RAD51B: variants seen among roughly 807,000 people sequenced by gnomAD.
RAD51B encodes RAD51 paralog B, also known as DNA repair protein RAD51 homolog 2.
A neutral mutation model predicts 42.2 loss-of-function variants in RAD51B; 38 were observed. The ratio of observed to expected loss-of-function variants is 0.90; its 90% CI spans 0.70 to 1.18. RAD51B has a LOEUF of 1.18. Among genes scored for constraint, RAD51B ranks in the 50% most tolerant of loss-of-function variants. The pLI is 0.00. For missense variants in RAD51B, 373 were observed against 400.7 expected, an observed-to-expected ratio of 0.93 and a Z score of 0.59; for synonymous variants, 154 against 145.2, an observed-to-expected ratio of 1.06 and a Z score of -0.43.
chr14:68,291,913 T>C lies in RAD51B; in HGVS notation c.786T>C (p.His262=). Residue 262 remains histidine (H), a synonymous_variant, in exon 8 of 11, where the codon CAT becomes CAC. Coordinates refer to ENST00000471583, the MANE Select transcript of RAD51B (RefSeq NM_133510.4). ...PVILTNQITT[H]LSGALASQAD... ...TCTTGACGAATCAGATTACAACCCA[T>C]CTGAGTGGAGCCCTGGCTTCTCAGG... is the stretch of plus-strand genomic sequence containing the variant. 6.2e-7 allele frequency: 1 copy of C among 1,613,504 alleles called. No homozygotes were observed. The highest frequency in any genetic ancestry group is 8.5e-7 in the Non-Finnish European group (1 of 1,179,784).
chr14:68,583,555 A>AC (rs1890310365), intron 10 of RAD51B, among the ~76,000 whole-genome samples: 4 of 152,256 alleles, frequency 2.6e-5, no homozygotes, highest in Admixed American at 2.0e-4. Context: ...GAACCCGTGG[A>AC]CCCCTCAGAG....
chr14:67,864,941 T>C (rs577581286), intron 4 of RAD51B, 62 bp from the exon 5 acceptor site: 2 of 1,401,072 alleles, frequency 1.4e-6, no homozygotes, highest in African/African-American at 1.5e-5. Flanking sequence ...TTGACTGGCT[T>C]GTGATGTTTA....
intron 9 of RAD51B, among the ~76,000 whole-genome samples, chr14:68,426,046 T>TTC (rs1221192647): frequency 2.7e-5 from 4 of 148,696 alleles, no homozygotes; most frequent in Admixed American, 6.8e-5. Context: ...CTTTCTCTCT[T>TTC]TCTCTCTCTC....
chr14:67,822,548 C>T (rs912961525), intron 1 of RAD51B, among the ~76,000 whole-genome samples: 2 of 151,610 alleles, frequency 1.3e-5, no homozygotes, highest in Admixed American at 6.6e-5. Context: ...ATGGTGTCGA[C>T]CCTGTCTCTA....
chr14:68,562,538 G>A, intron 10 of RAD51B: 1 of 985,452 alleles, frequency 1.0e-6, no homozygotes, highest in Non-Finnish European at 1.2e-6. Context: ...CCACAGCCAT[G>A]TTTTGGCACG....
At chr14:68,165,448 G>A (rs1181746723) in intron 7 of RAD51B, among the ~76,000 whole-genome samples, 2 of 152,146 alleles carry the variant, frequency 1.3e-5, no homozygotes, top group African/African-American at 2.4e-5. Flanking sequence ...AAATGGGGCC[G>A]CTTTTATGGG....
At chr14:68,375,544 A>C (rs1269041319) in intron 8 of RAD51B, among the ~76,000 whole-genome samples, 6 of 152,268 alleles carry the variant, frequency 3.9e-5, no homozygotes, top group African/African-American at 1.2e-4. Context: ...ACACTTCCAG[A>C]GTATGCCGTC....
intron 9 of RAD51B, among the ~76,000 whole-genome samples, chr14:68,425,427 G>A (rs1293451158): frequency 6.6e-6 from 1 of 152,214 alleles, no homozygotes; most frequent in Non-Finnish European, 1.5e-5. Context: ...AATGATTAAT[G>A]CCATTATCAA....
chr14:68,232,837 A>G (rs1393074712), intron 7 of RAD51B, among the ~76,000 whole-genome samples: 1 of 152,178 alleles, frequency 6.6e-6, no homozygotes, highest in African/African-American at 2.4e-5. Context: ...TCCAGCTTTC[A>G]AATCTCTCCA....
chr14:68,599,207 A>G (rs996709355), downstream of RAD51B, among the ~76,000 whole-genome samples: 6 of 152,162 alleles, frequency 3.9e-5, no homozygotes, highest in Admixed American at 3.9e-4. Context: ...ATATCTCCAT[A>G]GCCAACCAAC....
chr14:68,296,838 G>C (rs1449238341), intron 8 of RAD51B, among the ~76,000 whole-genome samples: 1 of 152,178 alleles, frequency 6.6e-6, no homozygotes, highest in African/African-American at 2.4e-5. Context: ...GTTGTATCCT[G>C]TTTTCTGCAT....
At chr14:67,852,835 G>T (rs375305042) in intron 4 of RAD51B, among the ~76,000 whole-genome samples, 2 of 152,130 alleles carry the variant, frequency 1.3e-5, no homozygotes, top group East Asian at 3.8e-4. Context: ...TGTTGTAGTA[G>T]GCAGAATTTC....
chr14:67,936,320 A>T (rs1279525281), intron 7 of RAD51B, among the ~76,000 whole-genome samples: 2 of 152,142 alleles, frequency 1.3e-5, no homozygotes, highest in Non-Finnish European at 2.9e-5. Context: ...CCTGTTATGG[A>T]CATTTCATGA....
intron 7 of RAD51B, among the ~76,000 whole-genome samples, chr14:68,224,559 A>G (rs952461937): frequency 6.6e-6 from 1 of 152,208 alleles, no homozygotes; most frequent in African/African-American, 2.4e-5. Context: ...TCAGTTCTCT[A>G]GTAAGTACTG....
At chr14:68,075,231 G>A (rs2076813341) in intron 7 of RAD51B, among the ~76,000 whole-genome samples, 1 of 152,168 alleles carries the variant, frequency 6.6e-6, no homozygotes, top group South Asian at 2.1e-4. Flanking sequence ...AGATTCACAG[G>A]GAAGAAAGAC....
At chr14:68,541,935 G>A in intron 10 of RAD51B, 1 of 626,746 alleles carries the variant, frequency 1.6e-6, no homozygotes, top group Non-Finnish European at 2.0e-6. Context: ...AAACTTTTTT[G>A]ATTTAACACC....
chr14:67,953,739 G>T (rs2074497056), intron 7 of RAD51B, among the ~76,000 whole-genome samples: 1 of 152,116 alleles, frequency 6.6e-6, no homozygotes, highest in Non-Finnish European at 1.5e-5. Flanking sequence ...GGAAGTGAGG[G>T]ATAAGAGAAT....
intron 11 of RAD51B, among the ~76,000 whole-genome samples, chr14:68,667,197 G>A (rs547283049): frequency 6.6e-6 from 1 of 152,344 alleles, no homozygotes; most frequent in African/African-American, 2.4e-5. Flanking sequence ...AATTTTGCAG[G>A]AAGTTAGGTG....
At chr14:67,928,918 G>A (rs1480442535) in intron 7 of RAD51B, among the ~76,000 whole-genome samples, 5 of 152,028 alleles carry the variant, frequency 3.3e-5, no homozygotes, top group African/African-American at 1.2e-4. Flanking sequence ...AATAGTCTCT[G>A]ATGATCTTTT....
Sources: allele counts gnomAD v4.1 joint callset (sites outside exome capture counted in the v4.1 genomes callset), GRCh38; gene constraint gnomAD v4.1.1; transcripts MANE v1.5; gene names NCBI Gene and HGNC (gene_info 2026-07-23, HGNC 2026-07-21).